The following PCSK6 variants were observed in gnomAD, a reference collection of about 807,000 sequenced individuals.
PCSK6 encodes the protein paired basic amino acid cleaving enzyme 4.
A neutral mutation model predicts 123.3 loss-of-function variants in PCSK6; 85 were observed. The ratio of observed to expected loss-of-function variants is 0.69; its 90% CI spans 0.58 to 0.83. The LOEUF is 0.83. Ranked by LOEUF, PCSK6 falls within the 40% of genes least tolerant of loss-of-function variation. PCSK6 has a pLI of 0.00. For missense variants in PCSK6, 1,191 were observed against 1,282.3 expected, an observed-to-expected ratio of 0.93 and a Z score of 1.09; for synonymous variants, 508 against 516.0, an observed-to-expected ratio of 0.98 and a Z score of 0.21.
intron 11 of PCSK6, among the ~76,000 whole-genome samples, chr15:101,377,028 A>C (rs970213262): frequency 1.3e-5 from 2 of 152,224 alleles, no homozygotes; most frequent in African/African-American, 4.8e-5. Context: ...GCCCAAAGAA[A>C]ACGAGGGCTC....
At chr15:101,443,205 A>C (rs1453135833) in intron 2 of PCSK6, among the ~76,000 whole-genome samples, 3 of 152,222 alleles carry the variant, frequency 2.0e-5, no homozygotes, top group African/African-American at 4.8e-5. Context: ...ATTCATAGTA[A>C]CCATTAACAT....
chr15:101,308,094 T>C (rs943841075), intron 20 of PCSK6: 1 of 152,300 alleles, frequency 6.6e-6, no homozygotes, highest in Non-Finnish European at 1.5e-5. Flanking sequence ...GACTGACCAT[T>C]GTGCCCTCTA....
chr15:101,474,441 C>T (rs1410359458), intron 1 of PCSK6, among the ~76,000 whole-genome samples: 2 of 152,186 alleles, frequency 1.3e-5, no homozygotes, highest in Non-Finnish European at 1.5e-5. Flanking sequence ...GCGCAGCCTG[C>T]CTGACCCATC....
chr15:101,480,203 C>A (rs912063190), intron 1 of PCSK6, among the ~76,000 whole-genome samples: 1 of 152,202 alleles, frequency 6.6e-6, no homozygotes, highest in South Asian at 2.1e-4. Context: ...ATTTTCCCAA[C>A]AAGGACTCTA....
Position 101,467,652 on chromosome 15 carries a change from G to A in PCSK6, c.297+21722C>T, listed in dbSNP as rs190633627. Among the ~76,000 whole-genome samples the A allele has an allele frequency of 7.2e-5, 11 of 152,320 alleles. No individual in the cohort carries two copies. The East Asian group carries it at 9.6e-4, about 13-fold the overall frequency. ...TTGAGATGTGCTGGCCAAAAAACAC[G>A]GTAGTGTTCACAGCAGTGAAAGTAA... On this transcript the variant is annotated intron_variant, in intron 1 of 21. Transcript: ENST00000611716.
intron 1 of PCSK6, among the ~76,000 whole-genome samples, chr15:101,464,081 C>T (rs2057400230): frequency 6.6e-6 from 1 of 152,092 alleles, no homozygotes; most frequent in Non-Finnish European, 1.5e-5. Flanking sequence ...GAACTCTCAC[C>T]CACCATCTGC....
chr15:101,365,701 C>T (rs563536760), intron 13 of PCSK6: 4 of 153,140 alleles, frequency 2.6e-5, no homozygotes, highest in African/African-American at 9.7e-5. Flanking sequence ...GTGATCAATC[C>T]GTACAATGGA....
intron 9 of PCSK6, among the ~76,000 whole-genome samples, chr15:101,386,122 C>T (rs772079672): frequency 1.3e-5 from 2 of 152,042 alleles, no homozygotes; most frequent in Non-Finnish European, 2.9e-5. Context: ...GAACGCACAC[C>T]GTGCTCTCGG....
intron 13 of PCSK6, among the ~76,000 whole-genome samples, chr15:101,362,123 A>C (rs1441202317): frequency 6.6e-6 from 1 of 151,928 alleles, no homozygotes; most frequent in African/African-American, 2.4e-5. Context: ...TGCCTGGTTA[A>C]CTTTTTGTAT....
chr15:101,430,807 T>C (rs1444948278), intron 4 of PCSK6, among the ~76,000 whole-genome samples: 1 of 152,238 alleles, frequency 6.6e-6, no homozygotes, highest in Non-Finnish European at 1.5e-5. Context: ...TGTCCTTACA[T>C]TTAACTAATT....
intron 20 of PCSK6, among the ~76,000 whole-genome samples, chr15:101,311,646 C>T (rs1372495905): frequency 7.7e-6 from 1 of 129,432 alleles, no homozygotes; most frequent in Non-Finnish European, 1.6e-5. Context: ...TCCCTCACAG[C>T]TCACCCCATC....
intron 19 of PCSK6, among the ~76,000 whole-genome samples, chr15:101,316,092 G>T (rs1247278292): frequency 1.3e-5 from 2 of 152,222 alleles, no homozygotes; most frequent in Non-Finnish European, 2.9e-5. Context: ...AGGTGGGCCT[G>T]GGTCTCCAGG....
intron 2 of PCSK6, among the ~76,000 whole-genome samples, chr15:101,439,480 G>A (rs2056697594): frequency 6.6e-6 from 1 of 152,236 alleles, no homozygotes; most frequent in African/African-American, 2.4e-5. Flanking sequence ...CCCTCATGGG[G>A]GAGCAGTCCA....
At chr15:101,339,742 C>G (rs914897993) in intron 13 of PCSK6, among the ~76,000 whole-genome samples, 1 of 151,936 alleles carries the variant, frequency 6.6e-6, no homozygotes, top group Non-Finnish European at 1.5e-5. Context: ...TCCGTTTCTA[C>G]AAAAAATAAA....
At chr15:101,444,669 T>C (rs2056840856) in intron 1 of PCSK6, among the ~76,000 whole-genome samples, 1 of 152,136 alleles carries the variant, frequency 6.6e-6, no homozygotes, top group African/African-American at 2.4e-5. Flanking sequence ...ACAAGGACAT[T>C]TGACTCATGG....
chr15:101,361,601 A>G (rs4630527), intron 13 of PCSK6, among the ~76,000 whole-genome samples: 2,876 of 152,324 alleles, frequency 0.019, 113 homozygotes, highest in African/African-American at 0.065. Context: ...ACGGAGGTCA[A>G]TGATGAGGCG....
chr15:101,324,740 A>G, intron 17 of PCSK6, 110 bp downstream of exon 17: 1 of 944,584 alleles, frequency 1.1e-6, no homozygotes, highest in Non-Finnish European at 1.6e-6. Context: ...ACTCAGAACA[A>G]CAAAATACAC....
At chr15:101,310,595 C>T (rs1026628433) in intron 20 of PCSK6, among the ~76,000 whole-genome samples, 1 of 152,232 alleles carries the variant, frequency 6.6e-6, no homozygotes, top group African/African-American at 2.4e-5. Flanking sequence ...AAGGCTGCAC[C>T]TTGCAAGCGG....
rs187414930 is a variant in PCSK6 at position 101,448,469 on chromosome 15, C to A, written c.298-4809G>T. On this transcript the variant is annotated intron_variant, in intron 1 of 21. Coordinates refer to ENST00000611716, the MANE Select transcript of PCSK6 (RefSeq NM_002570.5). ...GAGTTAGTGGGGAACAGCAATTCCC[C>A]CTCCTTCACCTGTCCCCCAGCCAGG... 1.2e-3 allele frequency among the ~76,000 whole-genome samples: 184 copies of A among 152,330 alleles called. 6 individuals are homozygous for A. In the East Asian group the frequency reaches 0.03, roughly 25 times the overall value.
Sources: gnomAD v4.1 joint callset for allele counts (sites outside exome capture counted in the v4.1 genomes callset) on GRCh38, gnomAD v4.1.1 for gene constraint, MANE v1.5 for transcripts, NCBI Gene and HGNC (gene_info 2026-07-23, HGNC 2026-07-21) for gene names.